The following MEI4 variants were observed in gnomAD, a reference collection of about 807,000 sequenced individuals.
MEI4 encodes meiotic double-stranded break formation protein 4.
Under a neutral mutation model 31.4 loss-of-function variants are expected in MEI4, and 27 were observed. That is an observed-to-expected ratio of 0.86 (90% CI 0.63 to 1.19). MEI4 has a LOEUF of 1.19. Among genes scored for constraint, MEI4 ranks in the 50% most tolerant of loss-of-function variants. The probability of loss-of-function intolerance (pLI) is 0.00; values close to 1 mark genes in which losing one functional copy is unlikely to be tolerated. For synonymous variants in MEI4, 122 were observed against 145.4 expected (o/e 0.84, Z 1.16); for missense variants, 329 against 398.9 (o/e 0.82, Z 1.49).
chr6:77,682,280 T>C (rs190233745), intron 1 of MEI4, among the ~76,000 whole-genome samples: 3 of 152,326 alleles, frequency 2.0e-5, no homozygotes, highest in Admixed American at 2.0e-4. Flanking sequence ...TTTCTTGCTT[T>C]CTTGGCAAGT....
intron 1 of MEI4, among the ~76,000 whole-genome samples, chr6:77,682,230 A>G (rs1768972181): frequency 6.6e-6 from 1 of 152,224 alleles, no homozygotes; most frequent in Non-Finnish European, 1.5e-5. Context: ...TATTACATTC[A>G]TCTCAGTGAT....
intron 3 of MEI4, among the ~76,000 whole-genome samples, chr6:77,792,086 C>G (rs924465964): frequency 1.3e-5 from 2 of 152,074 alleles, no homozygotes; most frequent in Admixed American, 6.6e-5. Context: ...ATGTAATGTC[C>G]TCCAGGTTCA....
chr6:77,679,677 ATTTCTG>A (rs1052232139), intron 1 of MEI4, among the ~76,000 whole-genome samples: 1 of 151,876 alleles, frequency 6.6e-6, no homozygotes, highest in Non-Finnish European at 1.5e-5. Context: ...CTAGAGACGA[ATTTCTG>A]TTTTGTGTGT....
At chr6:77,730,324 C>A (rs1156381578) in intron 2 of MEI4, among the ~76,000 whole-genome samples, 9 of 152,090 alleles carry the variant, frequency 5.9e-5, no homozygotes, top group Admixed American at 5.9e-4. Flanking sequence ...ATTGTATCAC[C>A]ATGACTTTGA....
intron 3 of MEI4, among the ~76,000 whole-genome samples, chr6:77,787,275 T>A (rs572254514): frequency 6.6e-6 from 1 of 152,144 alleles, no homozygotes; most frequent in African/African-American, 2.4e-5. Context: ...AAGGCCACAT[T>A]CATCTGTGCA....
chr6:77,922,297 T>TA (rs1050356516), intron 4 of MEI4, among the ~76,000 whole-genome samples: 3 of 151,540 alleles, frequency 2.0e-5, no homozygotes, highest in African/African-American at 4.8e-5. Flanking sequence ...ACCAGGAAAA[T>TA]AAAAAAAGTT....
At chr6:77,758,901 T>TA (rs1423131162) in intron 2 of MEI4, among the ~76,000 whole-genome samples, 1 of 152,216 alleles carries the variant, frequency 6.6e-6, no homozygotes, top group Non-Finnish European at 1.5e-5. Flanking sequence ...GTCCTTCACT[T>TA]ACTTTCTTCA....
intron 4 of MEI4, among the ~76,000 whole-genome samples, chr6:77,866,632 G>A (rs1771037104): frequency 6.6e-6 from 1 of 152,170 alleles, no homozygotes; most frequent in Non-Finnish European, 1.5e-5. Context: ...AATCAATATT[G>A]TGAAAATGGC....
intron 2 of MEI4, among the ~76,000 whole-genome samples, chr6:77,735,945 C>A: frequency 6.7e-6 from 1 of 148,288 alleles, no homozygotes; most frequent in South Asian, 2.1e-4. Flanking sequence ...TTAGGCTGCT[C>A]GGGGGTCAGG....
chr6:77,744,048 A>T (rs1767505056), intron 2 of MEI4, among the ~76,000 whole-genome samples: 1 of 152,226 alleles, frequency 6.6e-6, no homozygotes, highest in Non-Finnish European at 1.5e-5. Flanking sequence ...TGGAAACTCT[A>T]AAAAGCAGAG....
chr6:77,781,064 A>AT (rs992531678), intron 3 of MEI4, among the ~76,000 whole-genome samples: 2 of 151,818 alleles, frequency 1.3e-5, no homozygotes, highest in Non-Finnish European at 2.9e-5. Flanking sequence ...TTTTTAAAAC[A>AT]TTTTTTTGTT....
rs564795164 is a variant in MEI4, at chr6:77,828,091, C to T, written c.769-840C>T. ...AAATTATAACATTTCACTTATTGAG[C>T]ACTTACTAGGTGCCTATCACTACAG... On this transcript the variant is annotated intron_variant, in intron 3 of 4. Coordinates refer to ENST00000684080, the MANE Select transcript of MEI4 (RefSeq NM_001322247.2). Among the ~76,000 whole-genome samples, 3 of 152,210 alleles carry T rather than the reference C, an allele frequency of 2.0e-5. No individual in the cohort carries two copies. In the East Asian group the frequency reaches 5.8e-4, roughly 29 times the overall value.
chr6:77,702,885 C>G (rs902044656), intron 2 of MEI4, among the ~76,000 whole-genome samples: 1 of 152,124 alleles, frequency 6.6e-6, no homozygotes, highest in African/African-American at 2.4e-5. Flanking sequence ...TATGTTCTCC[C>G]CCTCCTTTTG....
At chr6:77,739,730 A>T (rs796965382) in intron 2 of MEI4, among the ~76,000 whole-genome samples, 14 of 145,022 alleles carry the variant, frequency 9.7e-5, no homozygotes, top group African/African-American at 3.4e-4. Flanking sequence ...ACTTAGAATT[A>T]AAAAAAAAAA....
At chr6:77,811,095 T>C (rs1769565765) in intron 3 of MEI4, among the ~76,000 whole-genome samples, 1 of 152,188 alleles carries the variant, frequency 6.6e-6, no homozygotes, top group Non-Finnish European at 1.5e-5. Context: ...ATCGTTCCAT[T>C]GTTTGTAGAT....
At chr6:77,657,024 C>CA (rs1031002467) in intron 1 of MEI4, among the ~76,000 whole-genome samples, 2 of 152,122 alleles carry the variant, frequency 1.3e-5, no homozygotes, top group African/African-American at 4.8e-5. Flanking sequence ...TGTTTCAGCT[C>CA]AAAGACTTTG....
chr6:77,867,792 C>G (rs994485230), intron 4 of MEI4, among the ~76,000 whole-genome samples: 1 of 152,070 alleles, frequency 6.6e-6, no homozygotes, highest in South Asian at 2.1e-4. Flanking sequence ...GCACTATTCA[C>G]AATAGCAAAG....
chr6:77,762,387 T>C (rs1018380575), intron 3 of MEI4, among the ~76,000 whole-genome samples: 1 of 152,198 alleles, frequency 6.6e-6, no homozygotes, highest in Non-Finnish European at 1.5e-5. Flanking sequence ...TGATAGAGAA[T>C]TTCTTTTTCA....
chr6:77,869,822 C>G (rs1415789679), intron 4 of MEI4, among the ~76,000 whole-genome samples: 4 of 152,122 alleles, frequency 2.6e-5, no homozygotes, highest in Non-Finnish European at 4.4e-5. Flanking sequence ...GTGCAGAAGT[C>G]TTGAGAATGT....
Sources: allele counts gnomAD v4.1 joint callset (sites outside exome capture counted in the v4.1 genomes callset), GRCh38; gene constraint gnomAD v4.1.1; transcripts MANE v1.5; gene names NCBI Gene and HGNC (gene_info 2026-07-23, HGNC 2026-07-21).